The following ANXA8 variants were observed in gnomAD, a reference collection of about 807,000 sequenced individuals.
The protein encoded by ANXA8 is annexin A8, also known as VAC-beta.
In ANXA8, 9 loss-of-function variants were observed where a neutral mutation model predicts 26.8. That is an observed-to-expected ratio of 0.34 (90% CI 0.20 to 0.59). The LOEUF (loss-of-function observed/expected upper bound fraction) is 0.59, where lower values mean the gene tolerates loss of function less well. ANXA8 is among the 20% of genes least tolerant of loss of function. ANXA8 has a pLI of 0.84. For missense variants in ANXA8, 83 were observed against 238.5 expected (o/e 0.35, Z 4.29); for synonymous variants, 39 against 94.8 (o/e 0.41, Z 3.42).
At chr10:47,722,470 G>A in the ANXA8 span, among the ~76,000 whole-genome samples, 3 of 138,922 alleles carry the variant, frequency 2.2e-5, no homozygotes, top group Non-Finnish European at 4.7e-5. Flanking sequence ...ACTAGGAAAT[G>A]TTTGGGTCTC....
the ANXA8 span, among the ~76,000 whole-genome samples, chr10:47,657,358 T>C: frequency 2.6e-5 from 4 of 151,766 alleles, no homozygotes; most frequent in South Asian, 6.2e-4. Context: ...TGTTTAGAGA[T>C]CTTGGAGATC....
At chr10:47,946,542 C>T in the ANXA8 span, among the ~76,000 whole-genome samples, 1 of 150,334 alleles carries the variant, frequency 6.7e-6, no homozygotes, top group Admixed American at 6.6e-5. Flanking sequence ...TTAGCATTGA[C>T]ACATGGGGGA....
the ANXA8 span, among the ~76,000 whole-genome samples, chr10:47,767,757 A>G: frequency 6.6e-6 from 1 of 151,588 alleles, no homozygotes; most frequent in Non-Finnish European, 1.5e-5. Flanking sequence ...ATTTTATGGG[A>G]TGTACTGGGG....
chr10:47,674,206 A>T, the ANXA8 span, among the ~76,000 whole-genome samples: 1 of 149,936 alleles, frequency 6.7e-6, no homozygotes, highest in Non-Finnish European at 1.5e-5. Context: ...ATGACAGCTC[A>T]CTGCAGCCTT....
the ANXA8 span, among the ~76,000 whole-genome samples, chr10:47,591,463 A>T: frequency 1.1e-3 from 55 of 48,370 alleles, no homozygotes; most frequent in South Asian, 3.3e-3. Flanking sequence ...TTTTTTTTTG[A>T]GATGGAGTCT....
the ANXA8 span, among the ~76,000 whole-genome samples, chr10:47,685,251 T>C: frequency 2.1e-4 from 31 of 148,802 alleles, 1 homozygote; most frequent in Middle Eastern, 6.9e-3. Context: ...GAGGCTGAGG[T>C]AGGAGAATCG....
the ANXA8 span, among the ~76,000 whole-genome samples, chr10:47,974,881 G>A: frequency 3.3e-4 from 49 of 149,624 alleles, 1 homozygote; most frequent in Non-Finnish European, 5.7e-4. Context: ...TGGTTGTTGG[G>A]TGGAGTGAAT....
the ANXA8 span, among the ~76,000 whole-genome samples, chr10:47,702,289 T>G: frequency 6.6e-6 from 1 of 151,266 alleles, no homozygotes; most frequent in African/African-American, 2.4e-5. Context: ...TCCCCAGTAA[T>G]AATGAGCATA....
the ANXA8 span, among the ~76,000 whole-genome samples, chr10:47,776,658 G>T: frequency 1.3e-5 from 2 of 151,856 alleles, no homozygotes; most frequent in South Asian, 4.2e-4. Flanking sequence ...ACAATCTCTG[G>T]CCAGGAAACT....
At chr10:47,647,706 T>C in the ANXA8 span, among the ~76,000 whole-genome samples, 1 of 134,330 alleles carries the variant, frequency 7.4e-6, no homozygotes, top group East Asian at 1.9e-4. Flanking sequence ...TGAAGCAAAA[T>C]ATATATAATA....
chr10:47,975,498 G>T, the ANXA8 span, among the ~76,000 whole-genome samples: 4 of 148,778 alleles, frequency 2.7e-5, 1 homozygote, highest in Non-Finnish European at 6.0e-5. Context: ...CATGGCAGGT[G>T]CATGTATCAG....
the ANXA8 span, among the ~76,000 whole-genome samples, chr10:47,684,169 C>A: frequency 2.6e-5 from 4 of 152,084 alleles, no homozygotes; most frequent in Admixed American, 2.6e-4. Flanking sequence ...TGACCTTTAA[C>A]CCTCTGAGTA....
chr10:47,969,098 A>G, the ANXA8 span, among the ~76,000 whole-genome samples: 3 of 150,320 alleles, frequency 2.0e-5, no homozygotes, highest in Admixed American at 6.6e-5. Flanking sequence ...CGTGCAGGAG[A>G]AAACCAACCC....
the ANXA8 span, among the ~76,000 whole-genome samples, chr10:47,493,041 C>A: frequency 2.9e-4 from 44 of 151,338 alleles, no homozygotes; most frequent in East Asian, 8.3e-3. Context: ...ACGGCCAGTC[C>A]CCCTAGGGTG....
At chr10:47,558,096 T>G in the ANXA8 span, among the ~76,000 whole-genome samples, 1 of 151,936 alleles carries the variant, frequency 6.6e-6, no homozygotes, top group South Asian at 2.1e-4. Flanking sequence ...TCACTAATAT[T>G]CTTTGGAAAC....
chr10:47,680,541 G>T, the ANXA8 span, among the ~76,000 whole-genome samples: 1 of 151,656 alleles, frequency 6.6e-6, no homozygotes, highest in Non-Finnish European at 1.5e-5. Context: ...AGACTGAGGC[G>T]GGAGAATTGC....
chr10:47,971,319 A>T, the ANXA8 span, among the ~76,000 whole-genome samples: 1 of 151,238 alleles, frequency 6.6e-6, no homozygotes, highest in African/African-American at 2.4e-5. Context: ...AAGGAAGGGG[A>T]GAGAGGAGAT....
upstream of ANXA8, among the ~76,000 whole-genome samples, chr10:47,488,217 GT>G (rs1255859689): frequency 3.7e-4 from 50 of 135,300 alleles, 2 homozygotes; most frequent in East Asian, 0.01. Flanking sequence ...TTTATGGTTT[GT>G]TTTTGTTTTT....
At chr10:47,558,765 G>C in the ANXA8 span, among the ~76,000 whole-genome samples, 5 of 151,848 alleles carry the variant, frequency 3.3e-5, no homozygotes, top group African/African-American at 9.7e-5. Flanking sequence ...CCTCCCCCTA[G>C]TTTCTGTTCT....
Sources: allele counts gnomAD v4.1 joint callset (sites outside exome capture counted in the v4.1 genomes callset), GRCh38; gene constraint gnomAD v4.1.1; transcripts MANE v1.5; gene names NCBI Gene and HGNC (gene_info 2026-07-23, HGNC 2026-07-21).